Variants in KIF3A observed in about 807,000 individuals in gnomAD.
The protein encoded by KIF3A is kinesin-like protein KIF3A.
Under a neutral mutation model 92.6 loss-of-function variants are expected in KIF3A, and 27 were observed. The observed-to-expected ratio is 0.29, with a 90% CI of 0.21 to 0.40. The LOEUF is 0.40. Among genes scored for constraint, KIF3A ranks in the 10% least tolerant of loss-of-function variants. KIF3A has a pLI of 1.00. For missense variants in KIF3A, 581 were observed against 872.6 expected, an observed-to-expected ratio of 0.67 and a Z score of 4.21; for synonymous variants, 250 against 275.4, an observed-to-expected ratio of 0.91 and a Z score of 0.92.
At position 132,694,116 on chromosome 5, in the gene KIF3A, T is replaced by A. The variant is rs112058399; in HGVS notation, c.*2518A>T. 1 of 151,580 alleles carries A rather than the reference T, an allele frequency of 6.6e-6. No individual in the cohort carries two copies. The highest frequency in any genetic ancestry group is 2.4e-5 in the African/African-American group (1 of 41,234). The allele number at this position is 151,580 out of a possible 1,614,324, so 9.4% of individuals were successfully genotyped here. A position where few individuals can be genotyped will look rare whatever the true frequency, so the allele number is the denominator to read the frequency against. ...TAAAAAACTGCTATAGTAGGCGGGG[T>A]GTGGTGGCTCAGGCCTATAATCATG... On this transcript the variant is annotated 3_prime_UTR_variant, in exon 19 of 19. Coordinates refer to ENST00000403231, the MANE Select transcript of KIF3A (RefSeq NM_001300791.2).
At chr5:132,715,622 T>C (rs1753593256) in intron 8 of KIF3A, 135 bp downstream of exon 8, 1 of 610,142 alleles carries the variant, frequency 1.6e-6, no homozygotes. Context: ...CCAAGTCACT[T>C]TCTAGAAATA....
chr5:132,716,785 T>C (rs1753640335), intron 6 of KIF3A, 60 bp downstream of exon 6: 3 of 1,545,314 alleles, frequency 1.9e-6, no homozygotes, highest in African/African-American at 1.4e-5. Context: ...TTTTCATTCA[T>C]TTATAAAATA....
At chr5:132,724,726 G>A (rs1192404321) in intron 4 of KIF3A, among the ~76,000 whole-genome samples, 3 of 146,252 alleles carry the variant, frequency 2.1e-5, no homozygotes, top group East Asian at 4.1e-4. Flanking sequence ...ACACCAACAT[G>A]GCACATGTAT....
intron 15 of KIF3A, among the ~76,000 whole-genome samples, chr5:132,701,688 G>A (rs1047204651): frequency 1.2e-4 from 18 of 151,908 alleles, no homozygotes; most frequent in African/African-American, 4.4e-4. Flanking sequence ...CCATTGAACT[G>A]CACACTTAAA....
In KIF3A at chr5:132,695,859, T is replaced by G. The variant is rs890342089; in HGVS notation, c.*775A>C. On this transcript the variant is annotated 3_prime_UTR_variant, in exon 19 of 19. Coordinates refer to ENST00000403231, the MANE Select transcript of KIF3A (RefSeq NM_001300791.2). The stretch of plus-strand genomic sequence containing the variant: ...AAATATACACGCAGGCAAAGATAAC[T>G]GAGCAGTATTTAGCTTCTTAATTTT... The G allele has an allele frequency of 6.6e-6, 1 of 152,316 alleles. No individual in the cohort carries two copies. Among genetic ancestry groups the G allele is most frequent in the Non-Finnish European group, 1.5e-5 (1 of 68,028 alleles). 9.4% of individuals were successfully genotyped at this position (152,316 alleles called of 1,614,324 possible).
chr5:132,722,717 G>A (rs1215561531), intron 4 of KIF3A, among the ~76,000 whole-genome samples: 1 of 152,178 alleles, frequency 6.6e-6, no homozygotes, highest in African/African-American at 2.4e-5. Flanking sequence ...GAAAAACTGA[G>A]GGAAGAATTG....
chr5:132,688,994 T>C (rs1027505196), downstream of KIF3A, among the ~76,000 whole-genome samples: 4 of 152,166 alleles, frequency 2.6e-5, no homozygotes, highest in African/African-American at 9.7e-5. Context: ...GCCATAAACG[T>C]GTTTGGGTGA....
intron 2 of KIF3A, among the ~76,000 whole-genome samples, chr5:132,733,841 TGAC>T (rs974924932): frequency 3.3e-5 from 5 of 152,184 alleles, no homozygotes; most frequent in Non-Finnish European, 7.4e-5. Context: ...ATTGTCAGAA[TGAC>T]AATTCAACAC....
chr5:132,727,902 A>G (rs1754091448), intron 2 of KIF3A, among the ~76,000 whole-genome samples: 1 of 152,190 alleles, frequency 6.6e-6, no homozygotes, highest in South Asian at 2.1e-4. Flanking sequence ...AACTTTTCTC[A>G]GACTTTTTTT....
At chr5:132,724,462 C>G (rs2149914490) in intron 4 of KIF3A, among the ~76,000 whole-genome samples, 1 of 152,034 alleles carries the variant, frequency 6.6e-6, no homozygotes, top group East Asian at 1.9e-4. Context: ...ACTATGCAGC[C>G]ATAAAAAATG....
At chr5:132,728,797 G>A (rs1176545090) in intron 2 of KIF3A, among the ~76,000 whole-genome samples, 2 of 150,652 alleles carry the variant, frequency 1.3e-5, no homozygotes, top group Non-Finnish European at 2.9e-5. Flanking sequence ...TCTGGGCTGG[G>A]TGCCGTGGCT....
chr5:132,730,866 G>C (rs1331307397), intron 2 of KIF3A, among the ~76,000 whole-genome samples: 1 of 151,138 alleles, frequency 6.6e-6, no homozygotes, highest in Non-Finnish European at 1.5e-5. Context: ...AGCTACTGGG[G>C]AGGCTGAGGT....
chr5:132,715,681 C>G (rs1368664991), intron 8 of KIF3A, 76 bp downstream of exon 8: 2 of 1,124,550 alleles, frequency 1.8e-6, no homozygotes, highest in South Asian at 2.9e-5. Context: ...TAATAGAGGG[C>G]TTTTGTTAGA....
chr5:132,728,177 T>C (rs996755448), intron 2 of KIF3A, among the ~76,000 whole-genome samples: 2 of 152,156 alleles, frequency 1.3e-5, no homozygotes, highest in African/African-American at 4.8e-5. Flanking sequence ...TACTGATCAT[T>C]TGCTATGTGC....
chr5:132,695,626 G>C lies in KIF3A; in HGVS notation c.*1008C>G, dbSNP rs1752807542. ...GGTCTAACTGGATTACCCAATAGAA[G>C]AAATTCAGAAAATAATATTTTATTT... On this transcript the variant is annotated 3_prime_UTR_variant, in exon 19 of 19. Coordinates refer to ENST00000403231, the MANE Select transcript of KIF3A (RefSeq NM_001300791.2). 6.6e-6 allele frequency: 1 copy of C among 151,694 alleles called. No individual in the cohort carries two copies. The highest frequency in any genetic ancestry group is 1.5e-5 in the Non-Finnish European group (1 of 67,958). The allele number at this position is 151,694 out of a possible 1,614,324, so 9.4% of individuals were successfully genotyped here.
chr5:132,701,502 CA>C (rs5871462), intron 15 of KIF3A, among the ~76,000 whole-genome samples: 49,877 of 100,700 alleles, frequency 0.5, 11,606 homozygotes, highest in Middle Eastern at 0.63. Flanking sequence ...GTCTCCCTGA[CA>C]AAAAAAAAAA....
At position 132,701,819 on chromosome 5, in the gene KIF3A, T is replaced by A. The variant is rs542037599; in HGVS notation, c.1884+268A>T. On this transcript the variant is annotated intron_variant, in intron 15 of 18. Transcript: ENST00000403231. ...ACAGAGGTTCCATTTATTCTACTTG[T>A]ATGATAATGGGCGCTGAATGAAGGA... 2.6e-5 allele frequency among the ~76,000 whole-genome samples: 4 copies of A among 152,248 alleles called. No homozygotes were observed. The East Asian group carries it at 7.7e-4, about 29-fold the overall frequency.
At chr5:132,719,736 C>T (rs1753763496) in intron 5 of KIF3A, among the ~76,000 whole-genome samples, 1 of 152,174 alleles carries the variant, frequency 6.6e-6, no homozygotes, top group East Asian at 1.9e-4. Flanking sequence ...CCCACCTCAG[C>T]CTCCCAAAGT....
chr5:132,699,616 T>C (rs1752961801), intron 17 of KIF3A: 2 of 447,050 alleles, frequency 4.5e-6, no homozygotes, highest in Admixed American at 5.1e-5. Flanking sequence ...TGGAGTGCAG[T>C]AGCGCGATCT....
Sources: allele counts gnomAD v4.1 joint callset (sites outside exome capture counted in the v4.1 genomes callset), GRCh38; gene constraint gnomAD v4.1.1; transcripts MANE v1.5; gene names NCBI Gene and HGNC (gene_info 2026-07-23, HGNC 2026-07-21).